The following FGF7 variants were observed in gnomAD, a reference collection of about 807,000 sequenced individuals.
FGF7 encodes FGF-7.
FGF7 carries 6 observed loss-of-function variants against 20.5 expected under a neutral mutation model. The ratio of observed to expected loss-of-function variants is 0.29; its 90% confidence interval spans 0.16 to 0.58. The LOEUF (loss-of-function observed/expected upper bound fraction) is 0.58. Ranked by LOEUF, FGF7 falls within the 20% of genes least tolerant of loss-of-function variation. The probability of loss-of-function intolerance (pLI) is 0.90; values close to 1 mark genes in which losing one functional copy is unlikely to be tolerated. For synonymous variants in FGF7, 64 were observed against 74.7 expected (o/e 0.86, Z 0.74); for missense variants, 144 against 228.8 (o/e 0.63, Z 2.39).
At chr15:49,476,680 C>T (rs560525557) in intron 2 of FGF7, among the ~76,000 whole-genome samples, 1 of 152,222 alleles carries the variant, frequency 6.6e-6, no homozygotes, top group Admixed American at 6.5e-5. Context: ...TTTCTCTACA[C>T]TCAATGATAT....
At chr15:49,457,843 C>T (rs1417845510) in intron 2 of FGF7, among the ~76,000 whole-genome samples, 1 of 151,792 alleles carries the variant, frequency 6.6e-6, no homozygotes, top group Admixed American at 6.6e-5. Context: ...TTTTGGAAAG[C>T]GTTCATAATG....
At chr15:49,460,274 C>T (rs949471350) in intron 2 of FGF7, among the ~76,000 whole-genome samples, 1 of 152,174 alleles carries the variant, frequency 6.6e-6, no homozygotes, top group African/African-American at 2.4e-5. Context: ...CAATTACTTA[C>T]ATAGTACATA....
chr15:49,478,104 G>T (rs1284205139), intron 2 of FGF7, among the ~76,000 whole-genome samples: 1 of 152,008 alleles, frequency 6.6e-6, no homozygotes, highest in African/African-American at 2.4e-5. Flanking sequence ...AGTGTCAGTT[G>T]TTGCCATCTT....
At chr15:49,428,501 A>G (rs761105951) in intron 2 of FGF7, among the ~76,000 whole-genome samples, 5 of 151,946 alleles carry the variant, frequency 3.3e-5, no homozygotes, top group Non-Finnish European at 7.4e-5. Flanking sequence ...AATTTAGATT[A>G]CTGCTGCACC....
rs973222214 is a variant in FGF7 at position 49,424,043 on chromosome 15, C to T, written c.-255C>T. The T allele has an allele frequency of 1.1e-5, 4 of 364,894 alleles. No individual in the cohort carries two copies. Among genetic ancestry groups the T allele is most frequent in the African/African-American group, 8.3e-5 (4 of 48,418 alleles). The allele number at this position is 364,894 out of a possible 1,614,324, so 22.6% of individuals were successfully genotyped here. Reference sequence around the variant, plus strand: ...CTCATTGCAAACAGAAGTCAAATAGCAAACAGCGTCACAGCAACTGAACTT... The same window carrying T: ...CTCATTGCAAACAGAAGTCAAATAGTAAACAGCGTCACAGCAACTGAACTT... On this transcript the variant is annotated 5_prime_UTR_variant, in exon 2 of 4. Coordinates refer to ENST00000267843, the MANE Select transcript of FGF7 (RefSeq NM_002009.4).
Position 49,487,003 on chromosome 15 carries a change from C to T in FGF7, c.*2499C>T, listed in dbSNP as rs1259993850. 2 of 151,872 alleles carry T rather than the reference C, an allele frequency of 1.3e-5. No individual in the cohort carries two copies. The highest frequency in any genetic ancestry group is 2.4e-5 in the African/African-American group (1 of 41,408). The allele number at this position is 151,872 out of a possible 1,614,324, so 9.4% of individuals were successfully genotyped here. ...AAGAGTCTAGATCAGTTAGCACATG[C>T]TTTCTACTCTTCGATTATTAGTATT... On this transcript the variant is annotated 3_prime_UTR_variant, in exon 4 of 4. Coordinates refer to ENST00000267843, the MANE Select transcript of FGF7 (RefSeq NM_002009.4).
intron 2 of FGF7, among the ~76,000 whole-genome samples, chr15:49,428,741 T>A (rs1025093028): frequency 2.8e-4 from 42 of 152,006 alleles, no homozygotes; most frequent in Admixed American, 2.1e-3. Flanking sequence ...ATAGTCAATA[T>A]CATCTACTCC....
chr15:49,468,618 C>G (rs989806250), intron 2 of FGF7, among the ~76,000 whole-genome samples: 14 of 152,170 alleles, frequency 9.2e-5, no homozygotes, highest in Non-Finnish European at 1.2e-4. Context: ...GAAGCAGGTT[C>G]TGTATCCAGC....
At chr15:49,432,118 C>T (rs1235623983) in intron 2 of FGF7, among the ~76,000 whole-genome samples, 4 of 151,570 alleles carry the variant, frequency 2.6e-5, no homozygotes, top group Non-Finnish European at 5.9e-5. Flanking sequence ...TTTCAATATC[C>T]TCAAATATCA....
Position 49,461,708 on chromosome 15 carries a change from T to G in FGF7, c.287-21443T>G, listed in dbSNP as rs2053815527. ...AGAATAAGAGCAATCCTTATTTTTTTGAGGAAAAATTTTTATACTCCATTA... is the reference window on the plus strand; with the variant it reads ...AGAATAAGAGCAATCCTTATTTTTTGGAGGAAAAATTTTTATACTCCATTA... On this transcript the variant is annotated intron_variant, in intron 2 of 3. Coordinates refer to ENST00000267843, the MANE Select transcript of FGF7 (RefSeq NM_002009.4). Among the ~76,000 whole-genome samples the G allele has an allele frequency of 2.0e-5, 3 of 152,342 alleles. No homozygotes were observed. The South Asian group carries it at 6.2e-4, about 32-fold the overall frequency.
At chr15:49,424,850 A>C (rs1473956621) in intron 2 of FGF7, 1 of 244,678 alleles carries the variant, frequency 4.1e-6, no homozygotes, top group African/African-American at 2.2e-5. Context: ...TCATAAGTTA[A>C]GCAAAATGTA....
chr15:49,483,832 T>C (rs141619260), intron 3 of FGF7, among the ~76,000 whole-genome samples: 3,085 of 152,168 alleles, frequency 0.02, 47 homozygotes, highest in South Asian at 0.075. Context: ...AACAAATGGT[T>C]GCATGGATGA....
Position 49,450,676 on chromosome 15 carries a change from T to C in FGF7, c.286+26093T>C, listed in dbSNP as rs545526382. 7.9e-5 allele frequency among the ~76,000 whole-genome samples: 12 copies of C among 152,276 alleles called. 1 individual carries two copies. In the South Asian group the frequency reaches 2.3e-3, roughly 29 times the overall value. The stretch of plus-strand genomic sequence containing the variant: ...ACATTTCAGAGAACAAAAACTTCCT[T>C]ATGCCTCTTGATTCCCACATCACAG... On this transcript the variant is annotated intron_variant, in intron 2 of 3. Transcript: ENST00000267843.
chr15:49,438,973 G>A (rs1405347522), intron 2 of FGF7, among the ~76,000 whole-genome samples: 1 of 151,658 alleles, frequency 6.6e-6, no homozygotes, highest in East Asian at 2.0e-4. Context: ...GCTTAAAACA[G>A]TATTTATTAT....
At chr15:49,459,727 A>G (rs187564607) in intron 2 of FGF7, among the ~76,000 whole-genome samples, 64 of 152,304 alleles carry the variant, frequency 4.2e-4, no homozygotes, top group Middle Eastern at 6.8e-3. Context: ...AAACCAGGCT[A>G]TAGTTCATGA....
intron 3 of FGF7, among the ~76,000 whole-genome samples, chr15:49,483,993 A>C (rs181430062): frequency 4.3e-4 from 65 of 152,180 alleles, no homozygotes; most frequent in African/African-American, 1.6e-3. Flanking sequence ...TGTGGGAATA[A>C]GTAATATGAG....
chr15:49,476,215 TTGTTTTTTTGTTTTTGG>T lies in FGF7; in HGVS notation c.287-6934_287-6918del, dbSNP rs1211635423. 9.4e-5 allele frequency among the ~76,000 whole-genome samples: 12 copies of T among 128,270 alleles called. 2 individuals carry two copies. Among genetic ancestry groups the T allele is most frequent in the Non-Finnish European group, 2.0e-4 (12 of 59,692 alleles). The allele number at this position is 128,270 out of a possible 152,430, so 84.2% of individuals were successfully genotyped here. A position where few individuals can be genotyped will look rare whatever the true frequency, so the allele number is the denominator to read the frequency against. The stretch of plus-strand genomic sequence containing the variant: ...CTGAATTCCTATTTATTTTGCTGTT[TTGTTTTTTTGTTTTTGG>T]TTTTTTTTTTTTTGCATTTGGCATA... On this transcript the variant is annotated intron_variant, in intron 2 of 3. Coordinates refer to ENST00000267843, the MANE Select transcript of FGF7 (RefSeq NM_002009.4).
intron 2 of FGF7, among the ~76,000 whole-genome samples, chr15:49,453,805 C>T (rs143018934): frequency 2.0e-5 from 3 of 152,196 alleles, no homozygotes; most frequent in African/African-American, 4.8e-5. Context: ...AATTTCAGCA[C>T]GTTCCCAATT....
At chr15:49,427,320 A>C (rs1376853835) in intron 2 of FGF7, among the ~76,000 whole-genome samples, 5 of 152,080 alleles carry the variant, frequency 3.3e-5, no homozygotes, top group Non-Finnish European at 7.4e-5. Flanking sequence ...TGGACAAATA[A>C]ATGAATGAAA....
Sources: allele counts gnomAD v4.1 joint callset (sites outside exome capture counted in the v4.1 genomes callset), GRCh38; gene constraint gnomAD v4.1.1; transcripts MANE v1.5; gene names NCBI Gene and HGNC (gene_info 2026-07-23, HGNC 2026-07-21).